Variants in CCDC85A observed in about 807,000 individuals in gnomAD.
CCDC85A encodes the protein coiled-coil domain containing 85A, also known as coiled-coil domain-containing protein 85A.
A neutral mutation model predicts 50.2 loss-of-function variants in CCDC85A; 38 were observed. That is an observed-to-expected ratio of 0.76 (90% CI 0.58 to 0.99). CCDC85A has a LOEUF of 0.99. Among genes scored for constraint, CCDC85A ranks in the 50% least tolerant of loss-of-function variants. CCDC85A has a pLI of 0.00. For synonymous variants in CCDC85A, 366 were observed against 301.4 expected, an observed-to-expected ratio of 1.21 and a Z score of -2.22; for missense variants, 820 against 742.0, an observed-to-expected ratio of 1.11 and a Z score of -1.22.
intron 2 of CCDC85A, among the ~76,000 whole-genome samples, chr2:56,221,180 G>A (rs1470515150): frequency 9.9e-5 from 15 of 152,124 alleles, no homozygotes; most frequent in Non-Finnish European, 5.9e-5. Context: ...TTCATAGATG[G>A]CTACTCAAGA....
intron 2 of CCDC85A, among the ~76,000 whole-genome samples, chr2:56,307,573 C>A (rs1199164949): frequency 1.3e-5 from 2 of 152,100 alleles, no homozygotes; most frequent in African/African-American, 2.4e-5. Context: ...ATTAGCATAT[C>A]ATTAATTGAA....
At position 56,385,459 on chromosome 2, in the gene CCDC85A, C is replaced by T. The variant is rs61099055; in HGVS notation, c.*1104C>T. 51,832 of 151,874 alleles carry T rather than the reference C, an allele frequency of 0.34. 9,640 individuals carry two copies. Among genetic ancestry groups the T allele is most frequent in the African/African-American group, 0.5 (20,810 of 41,320 alleles). The allele number at this position is 151,874 out of a possible 1,614,324, so 9.4% of individuals were successfully genotyped here. A position where few individuals can be genotyped will look rare whatever the true frequency, so the allele number is the denominator to read the frequency against. ...TTGGTATACATATACATATATATAA[C>T]ATTAGAATGTGTGTACTGGAAATGC... On this transcript the variant is annotated 3_prime_UTR_variant, in exon 6 of 6. Coordinates refer to ENST00000407595, the MANE Select transcript of CCDC85A (RefSeq NM_001080433.2).
In CCDC85A at chr2:56,248,806, T is replaced by C. The variant is rs547939671; in HGVS notation, c.1240+55366T>C. Among the ~76,000 whole-genome samples, 4 of 152,258 alleles carry C rather than the reference T, an allele frequency of 2.6e-5. No individual in the cohort carries two copies. In the East Asian group the frequency reaches 7.7e-4, roughly 29 times the overall value. On this transcript the variant is annotated intron_variant, in intron 2 of 5. Transcript: ENST00000407595. ...GAACTGGGTTTCATTAGAATCCTCA[T>C]GGTGAGGAAGCCTGAAGAGGGAAGG...
At chr2:56,359,874 T>C (rs944888246) in intron 3 of CCDC85A, among the ~76,000 whole-genome samples, 3 of 152,254 alleles carry the variant, frequency 2.0e-5, no homozygotes, top group African/African-American at 7.2e-5. Context: ...TTTAGTTGGT[T>C]GTTTCTGCAG....
At chr2:56,260,807 C>G (rs1670184911) in intron 2 of CCDC85A, among the ~76,000 whole-genome samples, 1 of 152,178 alleles carries the variant, frequency 6.6e-6, no homozygotes, top group Admixed American at 6.5e-5. Context: ...AGAGTGTCCT[C>G]TTTTAGAATA....
rs1675902302 is a variant in CCDC85A at position 56,184,442 on chromosome 2, G to A, written c.-183G>A. The A allele has an allele frequency of 1.5e-6, 1 of 647,398 alleles. No individual in the cohort carries two copies. The highest frequency in any genetic ancestry group is 2.2e-6 in the Non-Finnish European group (1 of 464,840). The allele number at this position is 647,398 out of a possible 1,614,324, so 40.1% of individuals were successfully genotyped here. On this transcript the variant is annotated 5_prime_UTR_variant, in exon 1 of 6. Coordinates refer to ENST00000407595, the MANE Select transcript of CCDC85A (RefSeq NM_001080433.2). ...TGGGGGAGCGCGGGCGCGCGCGCGG[G>A]GATGGCGAGGTAGGATGGCCACCCA...
intron 2 of CCDC85A, among the ~76,000 whole-genome samples, chr2:56,286,817 T>A (rs1671465762): frequency 6.6e-6 from 1 of 152,216 alleles, no homozygotes; most frequent in Non-Finnish European, 1.5e-5. Flanking sequence ...TGGTAGGGAA[T>A]CTGGGGTATG....
intron 2 of CCDC85A, among the ~76,000 whole-genome samples, chr2:56,334,309 C>T (rs1221759978): frequency 6.6e-6 from 1 of 152,130 alleles, no homozygotes; most frequent in African/African-American, 2.4e-5. Context: ...CAGATAATAA[C>T]TATTGGGTGA....
rs929508725 is a variant in CCDC85A, at chr2:56,192,948, A to G, written c.748A>G (p.Lys250Glu). ...PRSEGSPEHS[K>E]HRSASPEHPQ... is the part of the protein sequence containing the mutation. ...GAGCGAGGGCAGCCCGGAGCACTCC[A>G]AGCACAGGAGCGCCAGCCCCGAGCA... Residue 250 changes from lysine (K) to glutamate (E), a missense_variant, in exon 2 of 6, where the codon AAG becomes GAG. Transcript: ENST00000407595. This position sits in a 1 kb window ranked among gnomAD's most constrained non-coding sequence, Gnocchi z 4.7. 1 of 1,612,698 alleles carries G rather than the reference A, an allele frequency of 6.2e-7. No homozygotes were observed. The highest frequency in any genetic ancestry group is 1.3e-5 in the African/African-American group (1 of 74,544).
chr2:56,335,938 G>A (rs2104304673), intron 2 of CCDC85A, among the ~76,000 whole-genome samples: 1 of 152,168 alleles, frequency 6.6e-6, no homozygotes, highest in Non-Finnish European at 1.5e-5. Flanking sequence ...TCCCACCCAT[G>A]AGGGTGGAGC....
At chr2:56,200,522 C>G (rs1273996173) in intron 2 of CCDC85A, among the ~76,000 whole-genome samples, 1 of 152,168 alleles carries the variant, frequency 6.6e-6, no homozygotes, top group Non-Finnish European at 1.5e-5. Flanking sequence ...GAGTGAGGTT[C>G]AAGTTACTGC....
At chr2:56,228,657 C>A (rs976671309) in intron 2 of CCDC85A, among the ~76,000 whole-genome samples, 4 of 152,030 alleles carry the variant, frequency 2.6e-5, no homozygotes, top group Non-Finnish European at 5.9e-5. Context: ...CTCAGCCTCC[C>A]GAGTAGCTGG....
intron 5 of CCDC85A, among the ~76,000 whole-genome samples, chr2:56,377,666 A>C (rs1676398411): frequency 6.6e-6 from 1 of 152,096 alleles, no homozygotes; most frequent in Non-Finnish European, 1.5e-5. Context: ...AGGTAGGCGG[A>C]TCATGAGGTC....
chr2:56,318,236 G>A (rs1405609238), intron 2 of CCDC85A, among the ~76,000 whole-genome samples: 1 of 151,880 alleles, frequency 6.6e-6, no homozygotes, highest in Non-Finnish European at 1.5e-5. Context: ...TCCATCGATG[G>A]CCTGTGACAC....
At chr2:56,237,452 GA>G (rs964868452) in intron 2 of CCDC85A, among the ~76,000 whole-genome samples, 2 of 152,120 alleles carry the variant, frequency 1.3e-5, no homozygotes, top group South Asian at 4.2e-4. Flanking sequence ...GAATACAGAA[GA>G]AAAAAAATTT....
In CCDC85A at chr2:56,340,831, G is replaced by A. The variant is rs1175177488; in HGVS notation, c.1241-2048G>A. On this transcript the variant is annotated intron_variant, in intron 2 of 5. Coordinates refer to ENST00000407595, the MANE Select transcript of CCDC85A (RefSeq NM_001080433.2). Reference sequence around the variant, plus strand: ...GCGGAGGTTGTGGTGAGCCGAGATCGCGCCACTGCACTCCAGCCTGGGCAA... The same window carrying A: ...GCGGAGGTTGTGGTGAGCCGAGATCACGCCACTGCACTCCAGCCTGGGCAA... Among the ~76,000 whole-genome samples the A allele has an allele frequency of 9.9e-5, 14 of 141,392 alleles. 1 individual carries two copies. Among genetic ancestry groups the A allele is most frequent in the Admixed American group, 6.8e-4 (9 of 13,252 alleles). The allele number at this position is 141,392 out of a possible 152,430, so 92.8% of individuals were successfully genotyped here.
Position 56,372,359 on chromosome 2 carries a change from A to C in CCDC85A, c.1333A>C (p.Arg445=), listed in dbSNP as rs1292368330. Residue 445 remains arginine (R), a synonymous_variant, in exon 4 of 6, where the codon AGG becomes CGG. Coordinates refer to ENST00000407595, the MANE Select transcript of CCDC85A (RefSeq NM_001080433.2). ...RMLPQASQNR[R]QPPTRNSSNM... is the part of the protein sequence containing the mutation. ...CAAATATAAGGCCAGCCAGAATAGA[A>C]GGCAACCTCCAACTAGAAACAGCTC... The C allele has an allele frequency of 6.3e-7, 1 of 1,583,282 alleles. No homozygotes were observed. The highest frequency in any genetic ancestry group is 8.6e-7 in the Non-Finnish European group (1 of 1,164,052).
intron 1 of CCDC85A, 33 bp downstream of exon 1, chr2:56,184,933 G>C: frequency 6.9e-7 from 1 of 1,450,498 alleles, no homozygotes; most frequent in Non-Finnish European, 9.0e-7. Context: ...GGCGCGGCGC[G>C]GCTGGGAGCG....
intron 2 of CCDC85A, among the ~76,000 whole-genome samples, chr2:56,261,230 A>G (rs940845238): frequency 6.6e-6 from 1 of 152,194 alleles, no homozygotes; most frequent in African/African-American, 2.4e-5. Flanking sequence ...CCATAATGCC[A>G]TTCTTATAGA....
Sources: allele counts gnomAD v4.1 joint callset (sites outside exome capture counted in the v4.1 genomes callset), GRCh38; gene constraint gnomAD v4.1.1; non-coding constraint Gnocchi (gnomAD v3.1); transcripts MANE v1.5; gene names NCBI Gene and HGNC (gene_info 2026-07-23, HGNC 2026-07-21).